The following SLC15A4 variants were observed in gnomAD, a reference collection of about 807,000 sequenced individuals.
SLC15A4 encodes the protein hPHT1.
SLC15A4 carries 26 observed loss-of-function variants against 46.1 expected under a neutral mutation model. The ratio of observed to expected loss-of-function variants is 0.56; its 90% confidence interval spans 0.41 to 0.78. SLC15A4 has a LOEUF of 0.78. SLC15A4 is among the 30% of genes least tolerant of loss of function. SLC15A4 has a pLI of 0.00. For missense variants in SLC15A4, 751 were observed against 755.7 expected (o/e 0.99, Z 0.07); for synonymous variants, 370 against 333.4 (o/e 1.11, Z -1.20).
intron 6 of SLC15A4, 111 bp from the exon 7 acceptor site, chr12:128,799,528 T>A: frequency 8.6e-7 from 1 of 1,160,202 alleles, no homozygotes; most frequent in Non-Finnish European, 1.2e-6. Context: ...AGGGACTGAG[T>A]CCTGCAGACA....
At chr12:128,809,085 A>G in intron 4 of SLC15A4, 129 bp from the exon 5 acceptor site, 1 of 841,018 alleles carries the variant, frequency 1.2e-6, no homozygotes, top group South Asian at 1.8e-5. Context: ...CAACCTCTTC[A>G]GTTTAGAGAC....
intron 5 of SLC15A4, among the ~76,000 whole-genome samples, chr12:128,805,292 T>C (rs924402484): frequency 4.6e-5 from 7 of 151,946 alleles, no homozygotes; most frequent in African/African-American, 1.5e-4. Flanking sequence ...AGACTAACGT[T>C]GAATCAAAGA....
intron 2 of SLC15A4, chr12:128,814,154 GC>G (rs1236958637): frequency 6.6e-6 from 1 of 150,750 alleles, no homozygotes; most frequent in Non-Finnish European, 1.4e-5. Context: ...TCGCCATTCT[GC>G]TACTGCACCT....
intron 7 of SLC15A4, among the ~76,000 whole-genome samples, chr12:128,796,571 C>A (rs922188435): frequency 6.6e-6 from 1 of 151,920 alleles, no homozygotes; most frequent in African/African-American, 2.4e-5. Context: ...TGCTAATACC[C>A]TGAATTCTAC....
intron 2 of SLC15A4, among the ~76,000 whole-genome samples, chr12:128,811,830 A>G (rs1225017891): frequency 6.6e-6 from 1 of 152,256 alleles, no homozygotes; most frequent in Non-Finnish European, 1.5e-5. Context: ...TAATTAAAAT[A>G]TTTAAAAGCT....
Position 128,808,790 on chromosome 12 carries a change from G to C in SLC15A4, c.1256C>G (p.Ala419Gly). The C allele has an allele frequency of 6.2e-7, 1 of 1,614,034 alleles. No homozygotes were observed. The highest frequency in any genetic ancestry group is 8.5e-7 in the Non-Finnish European group (1 of 1,179,946). ...GAACGGAGCAGAATGCCTCTTACCT[G>C]CAGCAAAGGCCGAGCACATGACAAA... is the stretch of plus-strand genomic sequence containing the variant. ...MFFVMCSAFA[A>G]GILESKRLNL... Residue 419 changes from alanine (A) to glycine (G), a missense_variant and splice_region_variant, in exon 5 of 8, where the codon GCA (alanine) becomes GGA (glycine). Coordinates refer to ENST00000266771, the MANE Select transcript of SLC15A4 (RefSeq NM_145648.4).
chr12:128,813,666 G>T (rs1226600399), intron 2 of SLC15A4: 1 of 152,254 alleles, frequency 6.6e-6, no homozygotes, highest in Non-Finnish European at 1.5e-5. Context: ...CCACAATGGG[G>T]TGCACGGCTC....
In SLC15A4 at chr12:128,808,882, G is replaced by A. The variant is rs759632077; in HGVS notation, c.1164C>T (p.Val388=). The A allele has an allele frequency of 1.7e-5, 27 of 1,614,052 alleles. No individual in the cohort carries two copies. Among genetic ancestry groups the A allele is most frequent in the African/African-American group, 1.1e-4 (8 of 74,940 alleles). ...GGCCATGTCTTCTCAAAATGGGATC[G>A]ACCAGTTTGTCCTTCAGAGGGATGA... ...LLLIPLKDKL[V]DPILRRHGLL... is the part of the protein sequence containing the mutation. Residue 388 remains valine (V), a synonymous_variant, in exon 5 of 8, where the codon GTC becomes GTT. Transcript: ENST00000266771.
intron 5 of SLC15A4, among the ~76,000 whole-genome samples, chr12:128,802,611 C>T (rs764623589): frequency 1.3e-5 from 2 of 152,178 alleles, no homozygotes; most frequent in Non-Finnish European, 2.9e-5. Flanking sequence ...GAAGGTTACT[C>T]ATGCGGAGGA....
intron 7 of SLC15A4, among the ~76,000 whole-genome samples, chr12:128,795,660 CA>C (rs1252628457): frequency 6.6e-6 from 1 of 152,240 alleles, no homozygotes; most frequent in Non-Finnish European, 1.5e-5. Flanking sequence ...GTCTCTCCGC[CA>C]GAGAACAGAG....
intron 1 of SLC15A4, 37 bp from the exon 2 acceptor site, chr12:128,815,107 T>C: frequency 2.5e-6 from 4 of 1,580,564 alleles, no homozygotes; most frequent in Non-Finnish European, 3.5e-6. Flanking sequence ...TGAAAATATA[T>C]GACAGTCTTC....
chr12:128,801,019 A>C lies in SLC15A4; in HGVS notation c.1259-10T>G. Reference sequence around the variant, plus strand: ...TTACTCTCCAAAATTCCTAGAATTCAAAAGTAGGTTAGTGTAATATTCATT... The same window carrying C: ...TTACTCTCCAAAATTCCTAGAATTCCAAAGTAGGTTAGTGTAATATTCATT... On this transcript the variant is annotated splice_polypyrimidine_tract_variant and intron_variant, in intron 5 of 7. Transcript: ENST00000266771. The C allele has an allele frequency of 1.9e-6, 3 of 1,593,782 alleles. No homozygotes were observed. The highest frequency in any genetic ancestry group is 2.6e-6 in the Non-Finnish European group (3 of 1,170,580).
chr12:128,817,757 G>A (rs190904100), intron 1 of SLC15A4, among the ~76,000 whole-genome samples: 247 of 152,218 alleles, frequency 1.6e-3, no homozygotes, highest in Non-Finnish European at 2.8e-3. Flanking sequence ...TACTTTATAA[G>A]CCAAAATTAC....
At chr12:128,797,234 G>A (rs1955456315) in intron 7 of SLC15A4, among the ~76,000 whole-genome samples, 1 of 152,006 alleles carries the variant, frequency 6.6e-6, no homozygotes, top group Non-Finnish European at 1.5e-5. Flanking sequence ...ATGGATAAAT[G>A]CCTCGTGACG....
chr12:128,814,856 C>G lies in SLC15A4; in HGVS notation c.761G>C (p.Gly254Ala). 1 of 1,614,170 alleles carries G rather than the reference C, an allele frequency of 6.2e-7. No homozygotes were observed. The highest frequency in any genetic ancestry group is 8.5e-7 in the Non-Finnish European group (1 of 1,180,026). ...CTTGAACATGTCGGTGAAGGCACTG[C>G]CATCAGGAGGCTTGGTGATGAAAAC... ...QSVFITKPPDGSAFTDMFKIL... is the reference protein window; with the variant it reads ...QSVFITKPPDASAFTDMFKIL... The change falls in exon 2 of 8, where the codon GGC (glycine) becomes GCC (alanine). Residue 254 changes from glycine to alanine, a missense_variant. By Grantham distance (60) the Gly-to-Ala change is moderately conservative. Transcript: ENST00000266771.
chr12:128,793,773 AAC>A lies in SLC15A4; in HGVS notation c.*421_*422del, dbSNP rs1217107035. ...AATCCTCACTTTCTTAAATATAAGT[AAC>A]AGTTTATTAATTTTTTTTTTACAGT... On this transcript the variant is annotated 3_prime_UTR_variant, in exon 8 of 8. Transcript: ENST00000266771. The A allele has an allele frequency of 3.9e-5, 3 of 77,076 alleles. No individual in the cohort carries two copies. The highest frequency in any genetic ancestry group is 1.6e-4 in the African/African-American group (3 of 18,480). The allele number at this position is 77,076 out of a possible 1,614,324, so 4.8% of individuals were successfully genotyped here.
chr12:128,820,663 T>C (rs932434770), intron 1 of SLC15A4, among the ~76,000 whole-genome samples: 1 of 152,222 alleles, frequency 6.6e-6, no homozygotes, highest in Non-Finnish European at 1.5e-5. Context: ...GTAGACTAAG[T>C]AGTCGTGTAG....
Position 128,819,129 on chromosome 12 carries a change from C to T in SLC15A4, c.547-4059G>A, listed in dbSNP as rs375342943. ...CTATACATAAAAAATACTGGCCGAG[C>T]GCGGTGGCTCACGCCTGTAATCCCA... On this transcript the variant is annotated intron_variant, in intron 1 of 7. Transcript: ENST00000266771. Among the ~76,000 whole-genome samples the T allele has an allele frequency of 1.1e-4, 17 of 152,274 alleles. No individual in the cohort carries two copies. The East Asian group carries it at 2.3e-3, about 21-fold the overall frequency.
chr12:128,809,128 A>C, intron 4 of SLC15A4, 172 bp from the exon 5 acceptor site: 1 of 663,596 alleles, frequency 1.5e-6, no homozygotes, highest in Non-Finnish European at 2.5e-6. Context: ...TTTCCAAATG[A>C]ATCTGCATTT....
Sources: gnomAD v4.1 joint callset for allele counts (sites outside exome capture counted in the v4.1 genomes callset) on GRCh38, gnomAD v4.1.1 for gene constraint, MANE v1.5 for transcripts, NCBI Gene and HGNC (gene_info 2026-07-23, HGNC 2026-07-21) for gene names.